Variants in AHCY observed in about 807,000 individuals in gnomAD.
The protein encoded by AHCY is adenosylhomocysteinase, also known as S-adenosyl-L-homocysteine hydrolase.
Under a neutral mutation model 45.4 loss-of-function variants are expected in AHCY, and 24 were observed. The ratio of observed to expected loss-of-function variants is 0.53; its 90% CI spans 0.38 to 0.74. The LOEUF is 0.74. Among genes scored for constraint, AHCY ranks in the 30% least tolerant of loss-of-function variants. The pLI, the probability that AHCY is intolerant of heterozygous loss-of-function variation, is 0.00. For synonymous variants in AHCY, 245 were observed against 235.1 expected (o/e 1.04, Z -0.39); for missense variants, 449 against 594.1 (o/e 0.76, Z 2.54).
chr20:34,272,078 A>G, the AHCY span, among the ~76,000 whole-genome samples: 1 of 151,668 alleles, frequency 6.6e-6, no homozygotes, highest in Non-Finnish European at 1.5e-5. Flanking sequence ...GAGGGGTGCT[A>G]GAGGAGCCAA....
chr20:34,252,411 C>CT, the AHCY span, among the ~76,000 whole-genome samples: 1 of 152,324 alleles, frequency 6.6e-6, no homozygotes, highest in East Asian at 1.9e-4. Context: ...AGGAAAGGTA[C>CT]TGTGCCTGGA....
the AHCY span, among the ~76,000 whole-genome samples, chr20:34,259,795 A>G: frequency 6.6e-6 from 1 of 151,916 alleles, no homozygotes; most frequent in Non-Finnish European, 1.5e-5. Context: ...ACATAAATCC[A>G]GGGGGCCTAT....
the AHCY span, among the ~76,000 whole-genome samples, chr20:34,239,363 C>A: frequency 6.6e-6 from 1 of 152,100 alleles, no homozygotes; most frequent in Non-Finnish European, 1.5e-5. Flanking sequence ...ACTACAGGCA[C>A]CTGCCACCAC....
the AHCY span, chr20:34,260,373 G>A: frequency 3.1e-6 from 5 of 1,612,792 alleles, no homozygotes; most frequent in Non-Finnish European, 4.2e-6. Flanking sequence ...AGGCCTCCTG[G>A]GATGGATGTC....
chr20:34,290,141 G>A lies in AHCY; in HGVS notation c.972+191C>T, dbSNP rs529971487. Among the ~76,000 whole-genome samples, 2 of 152,328 alleles carry A rather than the reference G, an allele frequency of 1.3e-5. No individual in the cohort carries two copies. Among genetic ancestry groups the A allele is most frequent in the Admixed American group, 6.5e-5 (1 of 15,296 alleles). ...CAGCCTCACCACATACAGCTCACCT[G>A]CCTGATACCTTCAGGGATGCCGGCT... On this transcript the variant is annotated intron_variant, in intron 8 of 9. Coordinates refer to ENST00000217426, the MANE Select transcript of AHCY (RefSeq NM_000687.4). The surrounding 1 kb of genome is among the most constrained non-coding windows in gnomAD (Gnocchi z 4.5).
At chr20:34,244,396 T>C in the AHCY span, among the ~76,000 whole-genome samples, 1 of 152,290 alleles carries the variant, frequency 6.6e-6, no homozygotes, top group African/African-American at 2.4e-5. Context: ...ATAGCCAGAA[T>C]AAGAACCTCT....
chr20:34,303,112 G>A, intron 1 of AHCY, 131 bp downstream of exon 1: 1 of 1,487,130 alleles, frequency 6.7e-7, no homozygotes, highest in Middle Eastern at 2.4e-4. Flanking sequence ...GGCTTCGCGC[G>A]GCCAGAAACG....
chr20:34,276,750 G>A (rs1170109330), downstream of AHCY, among the ~76,000 whole-genome samples: 1 of 152,014 alleles, frequency 6.6e-6, no homozygotes, highest in African/African-American at 2.4e-5. Flanking sequence ...AAGTCCTAAA[G>A]TCCCGGGATT....
At chr20:34,307,120 CTTT>C (rs61016665), upstream of AHCY, among the ~76,000 whole-genome samples, 272 of 142,964 alleles carry the variant, frequency 1.9e-3, no homozygotes, top group Non-Finnish European at 2.3e-3. Context: ...TTTTCTTTTT[CTTT>C]TTTTTTTTTT....
intron 8 of AHCY, chr20:34,286,227 A>G (rs2036180291): frequency 5.9e-6 from 1 of 169,900 alleles, no homozygotes; most frequent in Non-Finnish European, 1.3e-5. Flanking sequence ...AGCAGCAGCT[A>G]ATGTTATCGT....
the AHCY span, among the ~76,000 whole-genome samples, chr20:34,267,459 CAAAAAAA>C: frequency 9.1e-4 from 42 of 46,284 alleles, no homozygotes; most frequent in South Asian, 1.9e-3. Context: ...AACTGGCTCT[CAAAAAAA>C]AAAAAAAAAA....
At chr20:34,277,916 A>G (rs975993616), downstream of AHCY, among the ~76,000 whole-genome samples, 1 of 152,152 alleles carries the variant, frequency 6.6e-6, no homozygotes, top group Non-Finnish European at 1.5e-5. Context: ...AGTTCAGTCC[A>G]CTGCTCCATA....
chr20:34,291,287 CTATAA>C lies in AHCY; in HGVS notation c.558+127_558+131del, dbSNP rs2036381783. 3 of 863,936 alleles carry C rather than the reference CTATAA, an allele frequency of 3.5e-6. No homozygotes were observed. In the Admixed American group the frequency reaches 5.4e-5, roughly 15 times the overall value. The allele number at this position is 863,936 out of a possible 1,614,324, so 53.5% of individuals were successfully genotyped here. A position where few individuals can be genotyped will look rare whatever the true frequency, so the allele number is the denominator to read the frequency against. ...CTTTTAAACGCACTCATTAGCCTGT[CTATAA>C]CCGCTTTTGCCCCCTCAAATGAGGG... On this transcript the variant is annotated intron_variant, in intron 5 of 9. Transcript: ENST00000217426.
intron 1 of AHCY, among the ~76,000 whole-genome samples, chr20:34,298,195 C>T (rs914338823): frequency 4.6e-5 from 7 of 151,428 alleles, no homozygotes; most frequent in African/African-American, 7.3e-5. Flanking sequence ...ACCCAGGCAC[C>T]GAGGCAAGAG....
At chr20:34,295,252 G>A (rs745478722) in intron 2 of AHCY, 143 bp downstream of exon 2, 43 of 1,006,092 alleles carry the variant, frequency 4.3e-5, no homozygotes, top group Non-Finnish European at 6.3e-5. Context: ...GGAAACGGAG[G>A]AAACCGAGTG....
chr20:34,272,764 G>C, the AHCY span, among the ~76,000 whole-genome samples: 1 of 152,114 alleles, frequency 6.6e-6, no homozygotes, highest in African/African-American at 2.4e-5. Flanking sequence ...CAAGCCTCTA[G>C]TCCCAGCTAC....
In AHCY at chr20:34,303,284, G is replaced by A. The variant is rs1314486065; in HGVS notation, c.-14C>T. Reference sequence around the variant, plus strand: ...TTTGTCAGACATGCTGGCGGCACTCGTGATGGAAACGGGCGAAGGGGGCTG... The same window carrying A: ...TTTGTCAGACATGCTGGCGGCACTCATGATGGAAACGGGCGAAGGGGGCTG... On this transcript the variant is annotated 5_prime_UTR_variant, in exon 1 of 10. The change creates a new upstream start codon in the 5' untranslated region. Transcript: ENST00000217426. 6.4e-7 allele frequency: 1 copy of A among 1,551,760 alleles called. No individual in the cohort carries two copies. Among genetic ancestry groups the A allele is most frequent in the East Asian group, 2.4e-5 (1 of 40,922 alleles).
the AHCY span, among the ~76,000 whole-genome samples, chr20:34,244,000 G>T: frequency 6.6e-6 from 1 of 152,190 alleles, no homozygotes; most frequent in African/African-American, 2.4e-5. Flanking sequence ...GGGAAGCGGA[G>T]CTTGCAGTGA....
At chr20:34,249,361 TGG>T in the AHCY span, among the ~76,000 whole-genome samples, 1 of 148,558 alleles carries the variant, frequency 6.7e-6, no homozygotes, top group Non-Finnish European at 1.5e-5. Flanking sequence ...CCCAGAGCCC[TGG>T]TTAGACAGCT....
Sources: allele counts gnomAD v4.1 joint callset (sites outside exome capture counted in the v4.1 genomes callset), GRCh38; gene constraint gnomAD v4.1.1; non-coding constraint Gnocchi (gnomAD v3.1); transcripts MANE v1.5; gene names NCBI Gene and HGNC (gene_info 2026-07-23, HGNC 2026-07-21).